Variants in GPBP1 observed in about 807,000 individuals in gnomAD.
The protein encoded by GPBP1 is vasculin.
GPBP1 carries 13 observed loss-of-function variants against 56.5 expected under a neutral mutation model. The ratio of observed to expected loss-of-function variants is 0.23; its 90% CI spans 0.15 to 0.37. The LOEUF is 0.37. Ranked by LOEUF, GPBP1 falls within the 10% of genes least tolerant of loss-of-function variation. The pLI is 1.00. For synonymous variants in GPBP1, 204 were observed against 188.9 expected, an observed-to-expected ratio of 1.08 and a Z score of -0.66; for missense variants, 477 against 572.3, an observed-to-expected ratio of 0.83 and a Z score of 1.70.
chr5:57,239,885 G>C (rs894075649), intron 6 of GPBP1, among the ~76,000 whole-genome samples: 1 of 152,146 alleles, frequency 6.6e-6, no homozygotes, highest in Non-Finnish European at 1.5e-5. Context: ...ATAGAAATTT[G>C]TTTAAATTGC....
chr5:57,251,185 GAGATTTCAATATTAT>G, intron 10 of GPBP1, 44 bp downstream of exon 10: 7 of 1,470,120 alleles, frequency 4.8e-6, no homozygotes, highest in Non-Finnish European at 6.4e-6. Context: ...TTCTGTATTC[GAGATTTCAATATTAT>G]AGAGTTTTTA....
In GPBP1 at chr5:57,263,638, C is replaced by T. The variant is rs1040585887; in HGVS notation, c.*886C>T. On this transcript the variant is annotated 3_prime_UTR_variant, in exon 12 of 12. Coordinates refer to ENST00000506184, the MANE Select transcript of GPBP1 (RefSeq NM_022913.4). The stretch of plus-strand genomic sequence containing the variant: ...TATTGTTTCTAAACATAAACATACT[C>T]TAAACATGCTTTATTCACTTGTTAA... The T allele has an allele frequency of 6.6e-6, 1 of 152,132 alleles. No individual in the cohort carries two copies. Among genetic ancestry groups the T allele is most frequent in the African/African-American group, 2.4e-5 (1 of 41,436 alleles). 9.4% of individuals were successfully genotyped at this position (152,132 alleles called of 1,614,324 possible).
At chr5:57,199,084 A>G (rs1160532651) in intron 2 of GPBP1, among the ~76,000 whole-genome samples, 2 of 152,216 alleles carry the variant, frequency 1.3e-5, no homozygotes, top group Admixed American at 1.3e-4. Flanking sequence ...TACATTTACA[A>G]TGGCGGGGTA....
At chr5:57,191,365 A>T (rs1273283708) in intron 2 of GPBP1, among the ~76,000 whole-genome samples, 2 of 151,440 alleles carry the variant, frequency 1.3e-5, no homozygotes, top group Non-Finnish European at 2.9e-5. Context: ...AAGTGCTTGA[A>T]TTACAGGTGT....
intron 2 of GPBP1, among the ~76,000 whole-genome samples, chr5:57,208,266 T>G (rs1336787835): frequency 6.6e-6 from 1 of 152,146 alleles, no homozygotes; most frequent in African/African-American, 2.4e-5. Flanking sequence ...TAGAGTCTCA[T>G]TTTGTTGCTC....
In GPBP1 at chr5:57,235,958, T is replaced by G. The variant is rs751763578; in HGVS notation, c.412-8T>G. 1.3e-6 allele frequency: 2 copies of G among 1,599,064 alleles called. No homozygotes were observed. Among genetic ancestry groups the G allele is most frequent in the Non-Finnish European group, 1.7e-6 (2 of 1,167,032 alleles). On this transcript the variant is annotated splice_polypyrimidine_tract_variant and splice_region_variant and intron_variant, in intron 5 of 11. Transcript: ENST00000506184. The stretch of plus-strand genomic sequence containing the variant: ...AAATGTGAAATGTTTATTCCAACTT[T>G]CTTCCAGCCGTCTTTAAATCCTGAG...
chr5:57,249,133 C>G lies in GPBP1; in HGVS notation c.805-276C>G, dbSNP rs1403947002. On this transcript the variant is annotated intron_variant, in intron 8 of 11. Transcript: ENST00000506184. The stretch of plus-strand genomic sequence containing the variant: ...TCTGTGTATTATAGAAAAGTTTAAA[C>G]AATTCTAGGATGCATTTATAAAATA... 2.3e-5 allele frequency: 6 copies of G among 265,316 alleles called. No homozygotes were observed. The Admixed American group carries it at 2.4e-4, about 11-fold the overall frequency. 16.4% of individuals were successfully genotyped at this position (265,316 alleles called of 1,614,324 possible). A position where few individuals can be genotyped will look rare whatever the true frequency, so the allele number is the denominator to read the frequency against.
intron 10 of GPBP1, among the ~76,000 whole-genome samples, chr5:57,252,714 A>C (rs1187136105): frequency 6.7e-6 from 1 of 148,838 alleles, no homozygotes; most frequent in Non-Finnish European, 1.5e-5. Context: ...TTTTATTGTA[A>C]ATTTTTTTTT....
At chr5:57,211,601 T>TTGTTGTTGTTGC (rs1211062601) in intron 2 of GPBP1, among the ~76,000 whole-genome samples, 3 of 152,118 alleles carry the variant, frequency 2.0e-5, no homozygotes, top group African/African-American at 7.2e-5. Flanking sequence ...GTTGTTGTTG[T>TTGTTGTTGTTGC]TGGAGATGGA....
chr5:57,214,270 G>A, intron 3 of GPBP1, 77 bp downstream of exon 3: 7 of 1,212,106 alleles, frequency 5.8e-6, no homozygotes, highest in Non-Finnish European at 8.6e-6. Context: ...AGTCATGGAG[G>A]AGTAATAATA....
At chr5:57,240,211 G>A (rs965496304) in intron 6 of GPBP1, among the ~76,000 whole-genome samples, 25 of 151,232 alleles carry the variant, frequency 1.7e-4, no homozygotes, top group African/African-American at 5.6e-4. Context: ...CGATTGTGCC[G>A]CTGCACTCCA....
intron 2 of GPBP1, among the ~76,000 whole-genome samples, chr5:57,181,214 AGTCCTAGCTACTTGGAAG>A (rs914667396): frequency 6.6e-6 from 1 of 152,168 alleles, no homozygotes; most frequent in African/African-American, 2.4e-5. Flanking sequence ...ATGCGCCTGT[AGTCCTAGCTACTTGGAAG>A]GCTGAGGCAG....
At chr5:57,239,827 T>C (rs1740740362) in intron 6 of GPBP1, among the ~76,000 whole-genome samples, 2 of 152,174 alleles carry the variant, frequency 1.3e-5, no homozygotes, top group Non-Finnish European at 2.9e-5. Context: ...CCAATTGTTG[T>C]AAAAATGATC....
At chr5:57,220,460 C>CTT (rs5868040) in intron 3 of GPBP1, among the ~76,000 whole-genome samples, 5 of 138,946 alleles carry the variant, frequency 3.6e-5, no homozygotes, top group African/African-American at 1.3e-4. Flanking sequence ...ACAATTTAAA[C>CTT]TTTTTTTTTT....
chr5:57,206,937 C>T (rs1247052947), intron 2 of GPBP1, among the ~76,000 whole-genome samples: 1 of 152,000 alleles, frequency 6.6e-6, no homozygotes, highest in Non-Finnish European at 1.5e-5. Flanking sequence ...CCCATCTCTA[C>T]GAAAAATATT....
rs142942287 is a variant in GPBP1 at position 57,223,541 on chromosome 5, TA to T, written c.64-7304del. 4.4e-3 allele frequency among the ~76,000 whole-genome samples: 675 copies of T among 152,202 alleles called. 2 individuals carry two copies. Among genetic ancestry groups the T allele is most frequent in the African/African-American group, 0.016 (648 of 41,552 alleles). ...TAATCAATGGACATTCCATGCTCTC[TA>T]CCATCCACAGACATCTGGTATTGTG... On this transcript the variant is annotated intron_variant, in intron 3 of 11. Coordinates refer to ENST00000506184, the MANE Select transcript of GPBP1 (RefSeq NM_022913.4).
At chr5:57,256,340 T>C (rs1447057680) in intron 10 of GPBP1, among the ~76,000 whole-genome samples, 2 of 152,150 alleles carry the variant, frequency 1.3e-5, no homozygotes, top group South Asian at 2.1e-4. Context: ...CCATACTGCA[T>C]GAAGAGATAG....
At chr5:57,204,546 C>T (rs1755151322) in intron 2 of GPBP1, among the ~76,000 whole-genome samples, 2 of 152,118 alleles carry the variant, frequency 1.3e-5, no homozygotes, top group South Asian at 2.1e-4. Flanking sequence ...GCCACTTTGC[C>T]TGGCTTGATT....
intron 6 of GPBP1, 37 bp downstream of exon 6, chr5:57,236,069 A>C (rs760796489): frequency 7.7e-7 from 1 of 1,295,410 alleles, no homozygotes; most frequent in East Asian, 2.3e-5. Context: ...GGGGCACAAA[A>C]TGTTGATATT....
Sources: gnomAD v4.1 joint callset for allele counts (sites outside exome capture counted in the v4.1 genomes callset) on GRCh38, gnomAD v4.1.1 for gene constraint, MANE v1.5 for transcripts, NCBI Gene and HGNC (gene_info 2026-07-23, HGNC 2026-07-21) for gene names.